Variants in TNR observed in about 807,000 individuals in gnomAD.
The protein encoded by TNR is tenascin R.
In TNR, 45 loss-of-function variants were observed where a neutral mutation model predicts 150.4. That is an observed-to-expected ratio of 0.30 (90% CI 0.24 to 0.38). The LOEUF (loss-of-function observed/expected upper bound fraction) is 0.38. Ranked by LOEUF, TNR falls within the 10% of genes least tolerant of loss-of-function variation. The pLI is 1.00. For missense variants in TNR, 1,544 were observed against 1,759.1 expected (o/e 0.88, Z 2.19); for synonymous variants, 687 against 678.4 (o/e 1.01, Z -0.20).
At chr1:175,675,022 G>A (rs1481583295) in intron 1 of TNR, among the ~76,000 whole-genome samples, 1 of 152,206 alleles carries the variant, frequency 6.6e-6, no homozygotes, top group Non-Finnish European at 1.5e-5. Flanking sequence ...GGTGGCTGGA[G>A]TTGCAAAATG....
chr1:175,740,024 G>T (rs1310496234), intron 1 of TNR, among the ~76,000 whole-genome samples: 1 of 152,176 alleles, frequency 6.6e-6, no homozygotes, highest in Non-Finnish European at 1.5e-5. Context: ...TTGATTGTTG[G>T]TTTCTATAAA....
At chr1:175,556,211 T>C (rs1386457892) in intron 1 of TNR, among the ~76,000 whole-genome samples, 1 of 152,230 alleles carries the variant, frequency 6.6e-6, no homozygotes, top group Non-Finnish European at 1.5e-5. Context: ...GCTCCTTGCC[T>C]TTTGATTCTT....
At chr1:175,723,484 T>C (rs1202667048) in intron 1 of TNR, among the ~76,000 whole-genome samples, 2 of 152,342 alleles carry the variant, frequency 1.3e-5, no homozygotes, top group East Asian at 3.9e-4. Context: ...CTATCCTTGC[T>C]CTTTTGGAGC....
intron 2 of TNR, among the ~76,000 whole-genome samples, chr1:175,476,307 C>T (rs1279151709): frequency 6.6e-6 from 1 of 152,168 alleles, no homozygotes; most frequent in Non-Finnish European, 1.5e-5. Context: ...TTTCTAGAGT[C>T]TAATTGACAA....
chr1:175,341,770 T>C (rs1186118903), intron 18 of TNR, among the ~76,000 whole-genome samples: 1 of 152,256 alleles, frequency 6.6e-6, no homozygotes, highest in Non-Finnish European at 1.5e-5. Flanking sequence ...CAGGTTTCTC[T>C]GTAAGCGCAG....
intron 1 of TNR, among the ~76,000 whole-genome samples, chr1:175,587,244 C>T (rs1019545123): frequency 1.3e-5 from 2 of 152,052 alleles, no homozygotes; most frequent in South Asian, 4.2e-4. Context: ...TAGGGTAGGT[C>T]CTGATTGTTA....
chr1:175,456,051 T>C (rs1345161046), intron 2 of TNR, among the ~76,000 whole-genome samples: 1 of 152,228 alleles, frequency 6.6e-6, no homozygotes, highest in Non-Finnish European at 1.5e-5. Flanking sequence ...TAAGGCCTGT[T>C]GTACCTGCCT....
chr1:175,728,077 C>A (rs1558093879), intron 1 of TNR, among the ~76,000 whole-genome samples: 1 of 152,070 alleles, frequency 6.6e-6, no homozygotes, highest in African/African-American at 2.4e-5. Flanking sequence ...GTGGATAGAC[C>A]AGAAATTGGG....
intron 1 of TNR, among the ~76,000 whole-genome samples, chr1:175,583,900 G>A (rs1303991204): frequency 6.6e-6 from 1 of 152,188 alleles, no homozygotes; most frequent in East Asian, 1.9e-4. Flanking sequence ...TCATAAGACA[G>A]GCCAGCTCAC....
rs1429272095 is a variant in TNR at position 175,327,217 on chromosome 1, C to T, written c.3794-2698G>A. Reference sequence around the variant, plus strand: ...CCACTCTGAGGCTGCCTTCCACTGTCGCAGATTGCTCCCAGTGTTGGTCTT... The same window carrying T: ...CCACTCTGAGGCTGCCTTCCACTGTTGCAGATTGCTCCCAGTGTTGGTCTT... On this transcript the variant is annotated intron_variant, in intron 21 of 22. Coordinates refer to ENST00000367674, the MANE Select transcript of TNR (RefSeq NM_003285.3). 5.7e-4 allele frequency among the ~76,000 whole-genome samples: 87 copies of T among 152,150 alleles called. 1 individual carries two copies. The highest frequency in any genetic ancestry group is 5.4e-3 in the Admixed American group (83 of 15,268).
chr1:175,332,378 C>A (rs1649986861), intron 20 of TNR, among the ~76,000 whole-genome samples: 1 of 152,150 alleles, frequency 6.6e-6, no homozygotes, highest in Non-Finnish European at 1.5e-5. Context: ...TTTTTGTTCC[C>A]CCATTCCCTT....
At chr1:175,426,081 C>G (rs749525389) in intron 2 of TNR, among the ~76,000 whole-genome samples, 3 of 152,174 alleles carry the variant, frequency 2.0e-5, no homozygotes, top group African/African-American at 7.2e-5. Flanking sequence ...GTAACAGGAG[C>G]CTGCTGAGGT....
intron 18 of TNR, among the ~76,000 whole-genome samples, chr1:175,339,975 C>T (rs1307052610): frequency 1.3e-5 from 2 of 152,088 alleles, no homozygotes; most frequent in African/African-American, 4.8e-5. Flanking sequence ...TAAAGCTAGA[C>T]CTACAGACAA....
At chr1:175,541,772 G>A (rs980988739) in intron 1 of TNR, among the ~76,000 whole-genome samples, 2 of 152,116 alleles carry the variant, frequency 1.3e-5, no homozygotes, top group African/African-American at 2.4e-5. Context: ...TTCTGCTTAG[G>A]GTTCAACCCC....
intron 2 of TNR, among the ~76,000 whole-genome samples, chr1:175,449,235 C>G (rs1156311110): frequency 6.6e-6 from 1 of 152,168 alleles, no homozygotes; most frequent in Admixed American, 6.5e-5. Context: ...AACATTTTTC[C>G]CAGGGCGCTC....
chr1:175,663,384 A>T (rs983447376), intron 1 of TNR, among the ~76,000 whole-genome samples: 1 of 152,188 alleles, frequency 6.6e-6, no homozygotes, highest in African/African-American at 2.4e-5. Flanking sequence ...CTAATGAAGA[A>T]TTTGTAGTGC....
chr1:175,364,183 C>T (rs1490970184), intron 12 of TNR, among the ~76,000 whole-genome samples: 1 of 152,058 alleles, frequency 6.6e-6, no homozygotes. Flanking sequence ...TTAAGATAAA[C>T]CAAATTTTGC....
intron 9 of TNR, among the ~76,000 whole-genome samples, chr1:175,373,502 C>T (rs1045937025): frequency 6.6e-6 from 1 of 152,152 alleles, no homozygotes; most frequent in Non-Finnish European, 1.5e-5. Flanking sequence ...GAGGCCATCT[C>T]CCTGCTTTTT....
At chr1:175,572,624 A>C (rs1206821317) in intron 1 of TNR, among the ~76,000 whole-genome samples, 1 of 152,114 alleles carries the variant, frequency 6.6e-6, no homozygotes, top group Non-Finnish European at 1.5e-5. Context: ...GCTTATTATA[A>C]GAAACTTAGA....
Sources: allele counts gnomAD v4.1 joint callset (sites outside exome capture counted in the v4.1 genomes callset), GRCh38; gene constraint gnomAD v4.1.1; transcripts MANE v1.5; gene names NCBI Gene and HGNC (gene_info 2026-07-23, HGNC 2026-07-21).